The following SETBP1 variants were observed in gnomAD, a reference collection of about 807,000 sequenced individuals.
SETBP1 encodes the protein SET binding protein 1, also known as SET-binding protein.
In SETBP1, 9 loss-of-function variants were observed where a neutral mutation model predicts 101.0. That is an observed-to-expected ratio of 0.09 (90% CI 0.05 to 0.16). SETBP1 has a LOEUF of 0.16. Ranked by LOEUF, SETBP1 falls within the 10% of genes least tolerant of loss-of-function variation. The probability of loss-of-function intolerance (pLI) is 1.00; values close to 1 mark genes in which losing one functional copy is unlikely to be tolerated. For missense variants in SETBP1, 1,858 were observed against 2,033.8 expected (o/e 0.91, Z 1.66); for synonymous variants, 818 against 788.5 (o/e 1.04, Z -0.63).
intron 2 of SETBP1, among the ~76,000 whole-genome samples, chr18:44,797,626 G>A (rs1384546398): frequency 1.3e-5 from 2 of 152,194 alleles, no homozygotes; most frequent in East Asian, 1.9e-4. Context: ...TCTCTCTTGC[G>A]CCACCTCCCA....
At chr18:44,929,777 A>G (rs1244290123) in intron 3 of SETBP1, among the ~76,000 whole-genome samples, 1 of 152,134 alleles carries the variant, frequency 6.6e-6, no homozygotes, top group Non-Finnish European at 1.5e-5. Context: ...ATTTTTGCAC[A>G]TTGATTTTGT....
intron 2 of SETBP1, among the ~76,000 whole-genome samples, chr18:44,835,454 C>A (rs1385485718): frequency 6.6e-6 from 1 of 152,142 alleles, no homozygotes; most frequent in Non-Finnish European, 1.5e-5. Flanking sequence ...AAAAGCCCAT[C>A]TGATTAAGAT....
At chr18:44,840,128 A>G (rs902578190) in intron 2 of SETBP1, among the ~76,000 whole-genome samples, 4 of 152,128 alleles carry the variant, frequency 2.6e-5, no homozygotes, top group Admixed American at 2.0e-4. Context: ...GCACCCTGCC[A>G]TGTGTACACT....
rs2071337000 is a variant in SETBP1, at chr18:44,951,050, C to T, written c.1710C>T (p.Leu570=). Residue 570 remains leucine, a synonymous_variant, in exon 4 of 6, where the codon CTC becomes CTT. Coordinates refer to ENST00000649279, the MANE Select transcript of SETBP1 (RefSeq NM_015559.3). This position sits in a 1 kb window ranked among gnomAD's most constrained non-coding sequence, Gnocchi z 7.8. The part of the protein sequence containing the change: ...SAYPITPSSP[L]YTNTDSLTVI... ...ATCCCATCACCCCATCCAGCCCTCTCTACACCAACACAGACAGTCTTACTG... is the reference window on the plus strand; with the variant it reads ...ATCCCATCACCCCATCCAGCCCTCTTTACACCAACACAGACAGTCTTACTG... 1.2e-6 allele frequency: 2 copies of T among 1,613,992 alleles called. No individual in the cohort carries two copies. The highest frequency in any genetic ancestry group is 1.3e-5 in the African/African-American group (1 of 74,904).
At chr18:45,003,576 C>T (rs927314990) in intron 4 of SETBP1, among the ~76,000 whole-genome samples, 4 of 151,906 alleles carry the variant, frequency 2.6e-5, no homozygotes, top group African/African-American at 4.8e-5. Context: ...AACATGTGAA[C>T]GAGCGAGTAG....
At chr18:44,954,298 T>C (rs908187430) in intron 4 of SETBP1, among the ~76,000 whole-genome samples, 1 of 123,044 alleles carries the variant, frequency 8.1e-6, no homozygotes, top group African/African-American at 3.3e-5. Context: ...AGGAAAATAG[T>C]AGAAACTTCT....
chr18:44,795,382 C>T (rs1360795449), intron 2 of SETBP1, among the ~76,000 whole-genome samples: 1 of 152,174 alleles, frequency 6.6e-6, no homozygotes, highest in Non-Finnish European at 1.5e-5. Flanking sequence ...AGTCTTCTTC[C>T]TCATAGCCTG....
At chr18:44,928,897 G>C (rs1341707218) in intron 3 of SETBP1, among the ~76,000 whole-genome samples, 3 of 152,070 alleles carry the variant, frequency 2.0e-5, no homozygotes, top group African/African-American at 7.2e-5. Context: ...TCACTCTGAT[G>C]GTAGTTTCTT....
At chr18:44,881,766 C>T (rs543816816) in intron 3 of SETBP1, among the ~76,000 whole-genome samples, 2 of 152,280 alleles carry the variant, frequency 1.3e-5, no homozygotes, top group Admixed American at 6.5e-5. Context: ...AGGCTGGACC[C>T]AGTGCCCCCG....
intron 2 of SETBP1, among the ~76,000 whole-genome samples, chr18:44,865,689 T>C (rs1364632969): frequency 6.6e-6 from 1 of 152,158 alleles, no homozygotes; most frequent in Admixed American, 6.5e-5. Flanking sequence ...CAACAGCCCA[T>C]GCATTTGGTT....
At chr18:44,788,935 C>T (rs1432820821) in intron 2 of SETBP1, among the ~76,000 whole-genome samples, 5 of 151,242 alleles carry the variant, frequency 3.3e-5, no homozygotes, top group Admixed American at 1.3e-4. Context: ...GTAGCTTAGC[C>T]GGGACTACAG....
intron 4 of SETBP1, among the ~76,000 whole-genome samples, chr18:44,999,919 G>T (rs1001439321): frequency 2.0e-5 from 3 of 152,192 alleles, no homozygotes; most frequent in African/African-American, 7.2e-5. Context: ...AAATACAGCC[G>T]AATTAAGATG....
Position 44,710,003 on chromosome 18 carries a change from C to T in SETBP1, c.486+8171C>T, listed in dbSNP as rs961093387. 1.1e-4 allele frequency among the ~76,000 whole-genome samples: 16 copies of T among 152,058 alleles called. 1 individual carries two copies. Among genetic ancestry groups the T allele is most frequent in the African/African-American group, 2.9e-4 (12 of 41,458 alleles). ...GAACCATCAAGTGGGGTTCAGCTGGCGGCTGCTACTCTTCCAGCATTTGCA... is the reference window on the plus strand; with the variant it reads ...GAACCATCAAGTGGGGTTCAGCTGGTGGCTGCTACTCTTCCAGCATTTGCA... On this transcript the variant is annotated intron_variant, in intron 2 of 5. Coordinates refer to ENST00000649279, the MANE Select transcript of SETBP1 (RefSeq NM_015559.3).
chr18:45,025,687 C>T (rs2145435481), intron 4 of SETBP1, among the ~76,000 whole-genome samples: 1 of 152,298 alleles, frequency 6.6e-6, no homozygotes, highest in South Asian at 2.1e-4. Flanking sequence ...ATGCAACTTT[C>T]TCATCTCAAA....
At chr18:44,894,133 A>G (rs2069836332) in intron 3 of SETBP1, among the ~76,000 whole-genome samples, 1 of 152,152 alleles carries the variant, frequency 6.6e-6, no homozygotes, top group Non-Finnish European at 1.5e-5. Flanking sequence ...TTGAGTTTCC[A>G]TTCAGCAGCC....
intron 2 of SETBP1, among the ~76,000 whole-genome samples, chr18:44,755,194 A>T (rs2070464956): frequency 6.6e-6 from 1 of 152,214 alleles, no homozygotes; most frequent in East Asian, 1.9e-4. Context: ...ATGAGAAGGG[A>T]GGAAATTCAG....
At chr18:44,738,180 C>G (rs769820710) in intron 2 of SETBP1, among the ~76,000 whole-genome samples, 8 of 152,158 alleles carry the variant, frequency 5.3e-5, no homozygotes, top group Non-Finnish European at 1.0e-4. Context: ...CTGTGTCCCT[C>G]TGTGAGAGAC....
At chr18:44,923,440 G>T (rs1008261615) in intron 3 of SETBP1, among the ~76,000 whole-genome samples, 24 of 152,204 alleles carry the variant, frequency 1.6e-4, no homozygotes, top group African/African-American at 5.1e-4. Flanking sequence ...GCCTGGATAA[G>T]CAGGCAAGTC....
chr18:44,962,031 C>CA, intron 4 of SETBP1, among the ~76,000 whole-genome samples: 1 of 152,076 alleles, frequency 6.6e-6, no homozygotes, highest in East Asian at 1.9e-4. Flanking sequence ...TCTTTGGTCA[C>CA]CCAGCATATA....
Sources: gnomAD v4.1 joint callset for allele counts (sites outside exome capture counted in the v4.1 genomes callset) on GRCh38, gnomAD v4.1.1 for gene constraint, Gnocchi (gnomAD v3.1) non-coding constraint, MANE v1.5 for transcripts, NCBI Gene and HGNC (gene_info 2026-07-23, HGNC 2026-07-21) for gene names.